Variants in ZDHHC11B observed in about 807,000 individuals in gnomAD.
ZDHHC11B encodes probable palmitoyltransferase ZDHHC11B.
Under a neutral mutation model 42.3 loss-of-function variants are expected in ZDHHC11B, and 17 were observed. That is an observed-to-expected ratio of 0.40 (90% confidence interval 0.27 to 0.60). ZDHHC11B has a LOEUF of 0.60. Among genes scored for constraint, ZDHHC11B ranks in the 20% least tolerant of loss-of-function variants. ZDHHC11B has a pLI of 0.41. For missense variants in ZDHHC11B, 262 were observed against 463.2 expected, an observed-to-expected ratio of 0.57 and a Z score of 3.99; for synonymous variants, 123 against 193.5, an observed-to-expected ratio of 0.64 and a Z score of 3.02.
At position 738,926 on chromosome 5, in the gene ZDHHC11B, T is replaced by C. The variant is rs1314887450; in HGVS notation, c.935+2668A>G. 2.0e-5 allele frequency among the ~76,000 whole-genome samples: 3 copies of C among 151,006 alleles called. 1 individual carries two copies. Among genetic ancestry groups the C allele is most frequent in the Admixed American group, 6.6e-5 (1 of 15,192 alleles). On this transcript the variant is annotated intron_variant, in intron 10 of 13. Transcript: ENST00000508859. ...CAAATGCAACAAGAACAAAGATAAA[T>C]AGATGCAATTTATCTTAATTTATCT...
chr5:730,055 T>C (rs1311612767), intron 12 of ZDHHC11B, among the ~76,000 whole-genome samples: 1 of 151,460 alleles, frequency 6.6e-6, no homozygotes. Context: ...TGTGCAGTGT[T>C]GGGGCAGAGC....
chr5:748,916 A>AGG (rs1403579005), intron 7 of ZDHHC11B, among the ~76,000 whole-genome samples: 2 of 121,666 alleles, frequency 1.6e-5, no homozygotes, highest in African/African-American at 5.4e-5. Flanking sequence ...CTGGGGTCAC[A>AGG]GCGCCCACCC....
At chr5:770,585 G>A (rs1234956630) in intron 1 of ZDHHC11B, among the ~76,000 whole-genome samples, 30 of 151,954 alleles carry the variant, frequency 2.0e-4, no homozygotes, top group African/African-American at 5.8e-4. Flanking sequence ...GGTCTGTGAC[G>A]TGCTGCCTTC....
In ZDHHC11B at chr5:730,433, C is replaced by A. The variant is rs771753671; in HGVS notation, c.1058+1G>T. 6.3e-7 allele frequency: 1 copy of A among 1,578,434 alleles called. No homozygotes were observed. The highest frequency in any genetic ancestry group is 8.6e-7 in the Non-Finnish European group (1 of 1,168,924). On this transcript the variant is annotated splice_donor_variant, in intron 12 of 13. Transcript: ENST00000508859. LOFTEE classifies it high-confidence loss of function. ...CGTTCCCATTAAACTTACGAACTTACCCAAGTGTAGATGTACTCGGGGCAT... is the reference window on the plus strand; with the variant it reads ...CGTTCCCATTAAACTTACGAACTTAACCAAGTGTAGATGTACTCGGGGCAT...
At chr5:759,509 C>T (rs1561174687) in intron 4 of ZDHHC11B, among the ~76,000 whole-genome samples, 2 of 152,020 alleles carry the variant, frequency 1.3e-5, no homozygotes, top group Admixed American at 6.6e-5. Flanking sequence ...AGGAGCTTTG[C>T]TGGGAAGAGA....
intron 4 of ZDHHC11B, among the ~76,000 whole-genome samples, chr5:759,311 G>A (rs1734274714): frequency 6.6e-6 from 1 of 152,040 alleles, no homozygotes; most frequent in East Asian, 1.9e-4. Flanking sequence ...TCTGCAGGCA[G>A]GAAAAGAGAG....
chr5:783,920 C>T (rs1413429978), intron 1 of ZDHHC11B, among the ~76,000 whole-genome samples: 1 of 150,088 alleles, frequency 6.7e-6, no homozygotes, highest in Admixed American at 6.6e-5. Context: ...CCGCCACTGC[C>T]CGGGAGGGAC....
At chr5:715,041 T>C (rs62332072) in intron 13 of ZDHHC11B, among the ~76,000 whole-genome samples, 67,151 of 140,940 alleles carry the variant, frequency 0.48, 11,447 homozygotes, top group African/African-American at 0.51. Context: ...GGAAGAAGGC[T>C]GAGACCCTCA....
chr5:737,490 C>A (rs183542703), intron 10 of ZDHHC11B, among the ~76,000 whole-genome samples: 10 of 149,018 alleles, frequency 6.7e-5, no homozygotes, highest in African/African-American at 2.2e-4. Context: ...CATGAAAGGA[C>A]ATAGCAAAAA....
chr5:748,296 C>G, intron 8 of ZDHHC11B, 108 bp downstream of exon 8: 3 of 863,976 alleles, frequency 3.5e-6, no homozygotes, highest in Non-Finnish European at 5.2e-6. Flanking sequence ...ACTCTGGCCC[C>G]AGGTGTGGGG....
rs141132552 is a variant in ZDHHC11B at position 776,368 on chromosome 5, C to G, written c.-229-7438G>C. ...TCCATCATGACCTGGACCCAGGTCGCTGACTGAGGGAGTGGAGGGGATCAG... is the reference window on the plus strand; with the variant it reads ...TCCATCATGACCTGGACCCAGGTCGGTGACTGAGGGAGTGGAGGGGATCAG... On this transcript the variant is annotated intron_variant, in intron 1 of 13. Transcript: ENST00000508859. 1.1e-3 allele frequency among the ~76,000 whole-genome samples: 171 copies of G among 151,968 alleles called. 7 individuals carry two copies. In the East Asian group the frequency reaches 0.021, roughly 19 times the overall value.
intron 7 of ZDHHC11B, among the ~76,000 whole-genome samples, 152 bp from the exon 8 acceptor site, chr5:748,711 C>G (rs1448342322): frequency 2.3e-5 from 3 of 129,682 alleles, no homozygotes; most frequent in African/African-American, 7.6e-5. Flanking sequence ...ACCTTCCTTA[C>G]CTGAGTGCCC....
intron 1 of ZDHHC11B, among the ~76,000 whole-genome samples, chr5:772,844 C>T (rs1248739091): frequency 4.6e-5 from 7 of 151,768 alleles, no homozygotes; most frequent in South Asian, 2.1e-4. Context: ...TGGGGACTCG[C>T]CTCAGAGCCC....
rs779198020 is a variant in ZDHHC11B, at chr5:766,972, C to A, written c.1-53G>T. ...CGCCATCAGCTCCGGGGAGGGCCGG[C>A]CCCACCCACTGTCAGGGAGACCACG... is the stretch of plus-strand genomic sequence containing the variant. On this transcript the variant is annotated intron_variant, in intron 3 of 13. Transcript: ENST00000508859. 59 of 1,579,542 alleles carry A rather than the reference C, an allele frequency of 3.7e-5. 1 individual carries two copies. In the Middle Eastern group the frequency reaches 8.4e-4, roughly 22 times the overall value.
intron 1 of ZDHHC11B, among the ~76,000 whole-genome samples, chr5:783,022 A>T (rs948228609): frequency 2.0e-5 from 3 of 151,772 alleles, no homozygotes; most frequent in African/African-American, 4.8e-5. Flanking sequence ...TGTAAGATTA[A>T]AACGCAGCCA....
At chr5:748,643 G>A in intron 7 of ZDHHC11B, 84 bp from the exon 8 acceptor site, 1 of 1,265,182 alleles carries the variant, frequency 7.9e-7, no homozygotes, top group Non-Finnish European at 1.0e-6. Flanking sequence ...AGAGCTTGCT[G>A]GGGATGGGGC....
chr5:730,447 T>A lies in ZDHHC11B; in HGVS notation c.1045A>T (p.Thr349Ser), dbSNP rs750295800. ...KAQEADDAPS[T>S]STLGLQQETT... ...TTACGAACTTACCCAAGTGTAGATGTACTCGGGGCATCATCTGCTTCCTGT... is the reference window on the plus strand; with the variant it reads ...TTACGAACTTACCCAAGTGTAGATGAACTCGGGGCATCATCTGCTTCCTGT... Residue 349 changes from threonine to serine, a missense_variant, in exon 12 of 14, where the codon ACA becomes TCA. Coordinates refer to ENST00000508859, the MANE Select transcript of ZDHHC11B (RefSeq NM_001351303.2). 1 of 1,575,278 alleles carries A rather than the reference T, an allele frequency of 6.3e-7. No individual in the cohort carries two copies. The highest frequency in any genetic ancestry group is 8.6e-7 in the Non-Finnish European group (1 of 1,167,368).
intron 1 of ZDHHC11B, among the ~76,000 whole-genome samples, chr5:776,016 C>G (rs577801082): frequency 6.7e-6 from 1 of 149,214 alleles, no homozygotes; most frequent in East Asian, 1.9e-4. Flanking sequence ...TGCAGATACC[C>G]TGGCCTCCGC....
intron 12 of ZDHHC11B, among the ~76,000 whole-genome samples, chr5:727,251 TG>T (rs1251571585): frequency 1.6e-5 from 2 of 128,876 alleles, no homozygotes; most frequent in Non-Finnish European, 3.5e-5. Context: ...ACGGAGCTTC[TG>T]GGGCAACTCA....
Sources: gnomAD v4.1 joint callset for allele counts (sites outside exome capture counted in the v4.1 genomes callset) on GRCh38, gnomAD v4.1.1 for gene constraint, MANE v1.5 for transcripts, NCBI Gene and HGNC (gene_info 2026-07-23, HGNC 2026-07-21) for gene names.